Variants in TNS1 observed in about 807,000 individuals in gnomAD.
TNS1 encodes tensin 1, also known as tensin-1.
Under a neutral mutation model 168.6 loss-of-function variants are expected in TNS1, and 62 were observed. The observed-to-expected ratio is 0.37, with a 90% CI of 0.30 to 0.45. TNS1 has a LOEUF of 0.45. TNS1 is among the 20% of genes least tolerant of loss of function. The pLI is 1.00. For synonymous variants in TNS1, 934 were observed against 933.2 expected (o/e 1.00, Z -0.02); for missense variants, 2,240 against 2,339.4 (o/e 0.96, Z 0.88).
At chr2:217,808,530 C>G (rs1939689912) in intron 31 of TNS1, 73 bp downstream of exon 31, 1 of 1,367,140 alleles carries the variant, frequency 7.3e-7, no homozygotes, top group African/African-American at 1.5e-5. Context: ...CACACACATG[C>G]ACATGCATGC....
Position 218,021,826 on chromosome 2 carries a change from C to T in TNS1, c.156+11994G>A, listed in dbSNP as rs563815930. On this transcript the variant is annotated intron_variant, in intron 1 of 1. Transcript: ENST00000649572. Reference sequence around the variant, plus strand: ...CAGACTGCCCTGAAAGCACACCAAGCGTGGTCTATTTTTAGCCAGGACCCA... The same window carrying T: ...CAGACTGCCCTGAAAGCACACCAAGTGTGGTCTATTTTTAGCCAGGACCCA... Among the ~76,000 whole-genome samples, 352 of 152,320 alleles carry T rather than the reference C, an allele frequency of 2.3e-3. 2 individuals are homozygous for T. The highest frequency in any genetic ancestry group is 0.017 in the Middle Eastern group (5 of 294).
chr2:218,023,014 G>A (rs984387210), intron 1 of TNS1, among the ~76,000 whole-genome samples: 9 of 152,212 alleles, frequency 5.9e-5, no homozygotes, highest in Non-Finnish European at 1.2e-4. Context: ...CTCCCCTCAC[G>A]TGGCCTCACG....
chr2:217,907,158 C>A, intron 5 of TNS1, 52 bp downstream of exon 5: 1 of 702,336 alleles, frequency 1.4e-6, no homozygotes, highest in East Asian at 2.7e-5. Context: ...CCAGCCTTCT[C>A]ACACCTGCCC....
At chr2:217,973,048 G>A (rs1957807510) in intron 3 of TNS1, among the ~76,000 whole-genome samples, 2 of 152,174 alleles carry the variant, frequency 1.3e-5, no homozygotes, top group South Asian at 2.1e-4. Context: ...CACAGCACAT[G>A]TGCTAACATA....
intron 6 of TNS1, among the ~76,000 whole-genome samples, chr2:217,903,217 C>G (rs1182704995): frequency 6.6e-6 from 1 of 152,064 alleles, no homozygotes; most frequent in Non-Finnish European, 1.5e-5. Context: ...GTTCTAGACA[C>G]CAGGGGACAA....
intron 22 of TNS1, among the ~76,000 whole-genome samples, chr2:217,829,584 AC>A (rs1471504971): frequency 3.9e-5 from 6 of 152,188 alleles, no homozygotes; most frequent in Non-Finnish European, 7.3e-5. Flanking sequence ...GTTTTGGTCA[AC>A]AAGGTGACAC....
chr2:217,809,384 G>GATGC (rs1940141611), intron 30 of TNS1, among the ~76,000 whole-genome samples: 1 of 122,730 alleles, frequency 8.1e-6, no homozygotes, highest in Non-Finnish European at 1.8e-5. Flanking sequence ...TGCATGGATG[G>GATGC]ATGGATGGAT....
rs544182964 is a variant in TNS1 at position 217,818,693 on chromosome 2, A to T, written c.3639T>A (p.Pro1213=). Residue 1213 remains proline, a synonymous_variant, in exon 24 of 33, where the codon CCT becomes CCA. Coordinates refer to ENST00000682258, the MANE Select transcript of TNS1 (RefSeq NM_001387777.1). ...SDQGPRTPTQ[P]LLESGFRSGS... ...CTGAGCGGAAGCCAGACTCCAACAG[A>T]GGCTGGGTGGGCGTCCGGGGACCCT... The T allele has an allele frequency of 3.7e-6, 6 of 1,614,148 alleles. No homozygotes were observed. Among genetic ancestry groups the T allele is most frequent in the Non-Finnish European group, 4.2e-6 (5 of 1,180,024 alleles).
rs376923574 is a variant in TNS1 at position 217,847,306 on chromosome 2, T to C, written c.3007+204A>G. ...CTTGAGGGCAGGAATTGCTTGACAT[T>C]GAACTTTGAAACTTGGTGTCTGGCT... On this transcript the variant is annotated intron_variant, in intron 19 of 32. Coordinates refer to ENST00000682258, the MANE Select transcript of TNS1 (RefSeq NM_001387777.1). Among the ~76,000 whole-genome samples the C allele has an allele frequency of 4.4e-4, 67 of 152,310 alleles. 1 individual carries two copies. In the South Asian group the frequency reaches 0.01, roughly 23 times the overall value.
intron 3 of TNS1, chr2:217,937,273 A>G: frequency 1.2e-5 from 4 of 336,240 alleles, no homozygotes; most frequent in South Asian, 9.6e-5. Flanking sequence ...GGATGCCCTC[A>G]AAGGCTTTTA....
Position 217,900,519 on chromosome 2 carries a change from A to G in TNS1, c.322-7T>C. 6.5e-7 allele frequency: 1 copy of G among 1,535,770 alleles called. No individual in the cohort carries two copies. Among genetic ancestry groups the G allele is most frequent in the South Asian group, 1.2e-5 (1 of 84,034 alleles). ...GGGTGACCCTGGTGGAGCCCTGGGA[A>G]GGAGAGAAGAGAAGCAGCATTATGC... On this transcript the variant is annotated splice_region_variant and splice_polypyrimidine_tract_variant and intron_variant, in intron 6 of 32. Transcript: ENST00000682258.
chr2:217,922,731 C>T (rs1955789714), intron 3 of TNS1, among the ~76,000 whole-genome samples: 1 of 152,060 alleles, frequency 6.6e-6, no homozygotes, highest in Non-Finnish European at 1.5e-5. Context: ...CCTTCCCTGG[C>T]CTCCCGAGGC....
chr2:217,942,284 C>A (rs1450633537), intron 3 of TNS1, among the ~76,000 whole-genome samples: 1 of 152,198 alleles, frequency 6.6e-6, no homozygotes, highest in Non-Finnish European at 1.5e-5. Flanking sequence ...CTCGGCCGGA[C>A]TGGCCGAGAC....
Position 217,978,755 on chromosome 2 carries a change from G to C in TNS1, c.186+10C>G, listed in dbSNP as rs1423706438. 1.7e-5 allele frequency: 12 copies of C among 701,680 alleles called. No homozygotes were observed. The highest frequency in any genetic ancestry group is 1.6e-4 in the South Asian group (11 of 67,506). The allele number at this position is 701,680 out of a possible 1,614,324, so 43.5% of individuals were successfully genotyped here. A position where few individuals can be genotyped will look rare whatever the true frequency, so the allele number is the denominator to read the frequency against. On this transcript the variant is annotated intron_variant, in intron 3 of 32. Transcript: ENST00000682258. ...AGTCCTCCCGGGCCCGCCAGCCCGC[G>C]GCCCCTTACCTTGGCCTGGCATTTC...
At chr2:217,855,947 A>G (rs1268050969) in intron 18 of TNS1, among the ~76,000 whole-genome samples, 2 of 152,104 alleles carry the variant, frequency 1.3e-5, no homozygotes, top group Non-Finnish European at 2.9e-5. Flanking sequence ...AGCCTACCCC[A>G]TGGCATCCCC....
chr2:217,812,069 C>A (rs1017771281), intron 28 of TNS1, among the ~76,000 whole-genome samples: 2 of 152,216 alleles, frequency 1.3e-5, no homozygotes, highest in Admixed American at 6.5e-5. Context: ...CTACTTCTGT[C>A]TCCTGTCATC....
intron 18 of TNS1, among the ~76,000 whole-genome samples, chr2:217,853,330 G>C (rs956354571): frequency 1.3e-5 from 2 of 152,184 alleles, no homozygotes; most frequent in African/African-American, 4.8e-5. Flanking sequence ...TCCTCTTGAA[G>C]TCCCAGCAGC....
chr2:217,826,651 G>A (rs80062932), intron 22 of TNS1, among the ~76,000 whole-genome samples: 9,776 of 152,202 alleles, frequency 0.064, 325 homozygotes, highest in South Asian at 0.093. Flanking sequence ...CTCCTCACTC[G>A]CACCACCTCT....
Position 217,879,064 on chromosome 2 carries a change from G to A in TNS1, c.1429+1834C>T, listed in dbSNP as rs561730492. Among the ~76,000 whole-genome samples, 5 of 152,270 alleles carry A rather than the reference G, an allele frequency of 3.3e-5. No homozygotes were observed. In the East Asian group the frequency reaches 9.6e-4, roughly 29 times the overall value. ...AGAAGCTGGCCCTCTGCCGAGAGGG[G>A]GAGCCGCTCTCGGCTCTGCTGTCCC... On this transcript the variant is annotated intron_variant, in intron 18 of 32. Transcript: ENST00000682258.
Sources: gnomAD v4.1 joint callset for allele counts (sites outside exome capture counted in the v4.1 genomes callset) on GRCh38, gnomAD v4.1.1 for gene constraint, MANE v1.5 for transcripts, NCBI Gene and HGNC (gene_info 2026-07-23, HGNC 2026-07-21) for gene names.